The following DLGAP1 variants were observed in gnomAD, a reference collection of about 807,000 sequenced individuals.
The protein encoded by DLGAP1 is disks large-associated protein 1.
In DLGAP1, 11 loss-of-function variants were observed where a neutral mutation model predicts 90.8. The observed-to-expected ratio is 0.12, with a 90% CI of 0.08 to 0.20. The LOEUF (loss-of-function observed/expected upper bound fraction) is 0.20. DLGAP1 is among the 10% of genes least tolerant of loss of function. The pLI is 1.00. For missense variants in DLGAP1, 1,050 were observed against 1,333.8 expected (o/e 0.79, Z 3.31); for synonymous variants, 558 against 540.7 (o/e 1.03, Z -0.44).
intron 4 of DLGAP1, among the ~76,000 whole-genome samples, chr18:3,872,041 G>A (rs75282753): frequency 0.022 from 3,360 of 152,010 alleles, 92 homozygotes; most frequent in African/African-American, 0.055. Flanking sequence ...ATACACAAAA[G>A]GACCCACATA....
At chr18:3,946,431 A>G (rs1166629786) in intron 3 of DLGAP1, among the ~76,000 whole-genome samples, 1 of 152,248 alleles carries the variant, frequency 6.6e-6, no homozygotes, top group Non-Finnish European at 1.5e-5. Flanking sequence ...AATATCAATT[A>G]AAAGGAAATT....
chr18:4,400,138 C>A (rs149211227), intron 1 of DLGAP1, among the ~76,000 whole-genome samples: 1 of 152,220 alleles, frequency 6.6e-6, no homozygotes, highest in African/African-American at 2.4e-5. Flanking sequence ...TGAACCACTA[C>A]CCGGGACATC....
chr18:3,747,151 C>T (rs772704760), intron 5 of DLGAP1, among the ~76,000 whole-genome samples: 24 of 152,116 alleles, frequency 1.6e-4, no homozygotes, highest in Non-Finnish European at 3.1e-4. Context: ...TGAGCCCAGA[C>T]CAGCCTGGGC....
At chr18:4,268,775 T>C (rs1023292966) in intron 1 of DLGAP1, among the ~76,000 whole-genome samples, 18 of 152,194 alleles carry the variant, frequency 1.2e-4, no homozygotes, top group Non-Finnish European at 2.5e-4. Flanking sequence ...ATAGATTTCA[T>C]GTCTGCTTCT....
At chr18:3,934,689 C>G (rs2072595180) in intron 3 of DLGAP1, among the ~76,000 whole-genome samples, 1 of 152,186 alleles carries the variant, frequency 6.6e-6, no homozygotes. Flanking sequence ...CTGTCTATGT[C>G]ATGATTTAGA....
At chr18:4,309,391 AGC>A (rs1311531776) in intron 1 of DLGAP1, among the ~76,000 whole-genome samples, 1 of 152,178 alleles carries the variant, frequency 6.6e-6, no homozygotes, top group Non-Finnish European at 1.5e-5. Context: ...AGGTTTCAAA[AGC>A]AAGAGAGTGC....
intron 1 of DLGAP1, among the ~76,000 whole-genome samples, chr18:4,401,051 C>G (rs970142181): frequency 6.6e-6 from 1 of 152,112 alleles, no homozygotes; most frequent in Non-Finnish European, 1.5e-5. Flanking sequence ...AAGTATCAGC[C>G]AAAGAGTATC....
chr18:4,236,981 T>TG (rs1041730127), intron 1 of DLGAP1, among the ~76,000 whole-genome samples: 4 of 152,214 alleles, frequency 2.6e-5, no homozygotes, highest in Non-Finnish European at 5.9e-5. Flanking sequence ...ACGTCTCCCC[T>TG]GCTCCTTCTG....
chr18:3,601,333 G>A (rs1228814729), intron 7 of DLGAP1, among the ~76,000 whole-genome samples: 1 of 151,774 alleles, frequency 6.6e-6, no homozygotes, highest in Non-Finnish European at 1.5e-5. Flanking sequence ...CAATCCACCC[G>A]CCTCGGCCTC....
At chr18:3,949,272 T>C (rs1022346332) in intron 3 of DLGAP1, among the ~76,000 whole-genome samples, 6 of 152,226 alleles carry the variant, frequency 3.9e-5, no homozygotes, top group Non-Finnish European at 5.9e-5. Flanking sequence ...AAAAATTAGA[T>C]AGTAACTTGT....
At chr18:4,333,325 G>A (rs542408607) in intron 1 of DLGAP1, among the ~76,000 whole-genome samples, 191 of 152,008 alleles carry the variant, frequency 1.3e-3, no homozygotes, top group Middle Eastern at 3.4e-3. Context: ...AGGCTAGCCT[G>A]TGCTTCTTCC....
At chr18:3,762,884 C>G (rs952903400) in intron 5 of DLGAP1, among the ~76,000 whole-genome samples, 2 of 152,076 alleles carry the variant, frequency 1.3e-5, no homozygotes, top group Non-Finnish European at 2.9e-5. Context: ...AAGAAGGCAC[C>G]CCGAATGATA....
intron 4 of DLGAP1, among the ~76,000 whole-genome samples, chr18:3,848,702 T>C (rs138039249): frequency 2.6e-5 from 4 of 152,270 alleles, no homozygotes; most frequent in African/African-American, 9.6e-5. Flanking sequence ...TCTCCTGCCA[T>C]ATCACCAAGA....
chr18:3,956,020 A>G (rs1193937452), intron 3 of DLGAP1, among the ~76,000 whole-genome samples: 1 of 152,218 alleles, frequency 6.6e-6, no homozygotes, highest in Admixed American at 6.5e-5. Flanking sequence ...CATAAGAAGA[A>G]ATAATGGTTG....
intron 7 of DLGAP1, among the ~76,000 whole-genome samples, chr18:3,704,363 G>T (rs2061371520): frequency 6.6e-6 from 1 of 152,166 alleles, no homozygotes; most frequent in Non-Finnish European, 1.5e-5. Flanking sequence ...TTGAGGTCAG[G>T]AGTTCGAGAC....
At chr18:3,705,722 G>C (rs998742063) in intron 7 of DLGAP1, among the ~76,000 whole-genome samples, 1 of 151,248 alleles carries the variant, frequency 6.6e-6, no homozygotes, top group African/African-American at 2.4e-5. Context: ...GCAGTGGCTC[G>C]ATCTCGGCTC....
chr18:4,185,401 C>T (rs1469903651), intron 1 of DLGAP1, among the ~76,000 whole-genome samples: 1 of 151,988 alleles, frequency 6.6e-6, no homozygotes, highest in African/African-American at 2.4e-5. Context: ...CTGATCCTCT[C>T]TCTCCTCCAA....
chr18:4,159,511 C>G (rs1291822437), intron 1 of DLGAP1, among the ~76,000 whole-genome samples: 1 of 152,178 alleles, frequency 6.6e-6, no homozygotes, highest in African/African-American at 2.4e-5. Context: ...AGCTTCTTCT[C>G]TGTAGCCCTT....
Position 4,179,304 on chromosome 18 carries a change from G to A in DLGAP1, c.-266-28017C>T, listed in dbSNP as rs142019495. ...GAGGGTGCCCTGCATTCTGCTAAATGACACCGGCAACTGTAACAGCTGTCA... is the reference window on the plus strand; with the variant it reads ...GAGGGTGCCCTGCATTCTGCTAAATAACACCGGCAACTGTAACAGCTGTCA... On this transcript the variant is annotated intron_variant, in intron 1 of 12. Transcript: ENST00000315677. Among the ~76,000 whole-genome samples, 5 of 152,236 alleles carry A rather than the reference G, an allele frequency of 3.3e-5. No individual in the cohort carries two copies. The East Asian group carries it at 9.7e-4, about 29-fold the overall frequency.
Sources: allele counts gnomAD v4.1 joint callset (sites outside exome capture counted in the v4.1 genomes callset), GRCh38; gene constraint gnomAD v4.1.1; transcripts MANE v1.5; gene names NCBI Gene and HGNC (gene_info 2026-07-23, HGNC 2026-07-21).